NEB: variants seen among roughly 807,000 people sequenced by gnomAD.
NEB encodes the protein nemaline myopathy type 2.
In NEB, 512 loss-of-function variants were observed where a neutral mutation model predicts 952.2. The ratio of observed to expected loss-of-function variants is 0.54; its 90% CI spans 0.50 to 0.58. NEB has a LOEUF of 0.58. Ranked by LOEUF, NEB falls within the 20% of genes least tolerant of loss-of-function variation. The pLI is 0.00. For synonymous variants in NEB, 2,900 were observed against 3,149.8 expected (o/e 0.92, Z 2.66); for missense variants, 8,428 against 9,231.1 (o/e 0.91, Z 3.56).
At chr2:151,686,596 T>C (rs1328085677) in intron 27 of NEB, among the ~76,000 whole-genome samples, 1 of 152,110 alleles carries the variant, frequency 6.6e-6, no homozygotes, top group African/African-American at 2.4e-5. Context: ...AATGACAGAA[T>C]AGATGCAAAA....
At chr2:151,660,276 G>A (rs531169443) in intron 46 of NEB, among the ~76,000 whole-genome samples, 1 of 152,228 alleles carries the variant, frequency 6.6e-6, no homozygotes, top group South Asian at 2.1e-4. Flanking sequence ...CAAAGACTAG[G>A]ATCCCTAAAA....
At chr2:151,731,367 G>A (rs1051680296) in intron 3 of NEB, among the ~76,000 whole-genome samples, 31 of 152,188 alleles carry the variant, frequency 2.0e-4, no homozygotes, top group African/African-American at 7.5e-4. Flanking sequence ...AGAGTAGAGA[G>A]AACAGTAAAA....
At chr2:151,668,615 G>T (rs1346181128) in intron 39 of NEB, among the ~76,000 whole-genome samples, 1 of 152,098 alleles carries the variant, frequency 6.6e-6, no homozygotes. Context: ...CCACTCAAGA[G>T]AAAGGCTAGT....
chr2:151,518,446 G>T (rs764467558), intron 155 of NEB, 24 bp from the exon 156 acceptor site: 1 of 1,394,178 alleles, frequency 7.2e-7, no homozygotes. Context: ...GGCAAAAAAG[G>T]CACATTGATG....
intron 13 of NEB, among the ~76,000 whole-genome samples, chr2:151,701,676 A>G (rs1259724595): frequency 6.6e-6 from 1 of 151,120 alleles, no homozygotes; most frequent in Non-Finnish European, 1.5e-5. Context: ...GTATTCTTTG[A>G]TGGTAGTTTG....
intron 65 of NEB, among the ~76,000 whole-genome samples, chr2:151,633,409 C>T (rs2098705701): frequency 6.6e-6 from 1 of 152,046 alleles, no homozygotes; most frequent in South Asian, 2.1e-4. Flanking sequence ...CTCTAGTGGA[C>T]CCTGAATTCT....
chr2:151,631,356 G>C lies in NEB; in HGVS notation c.9415-10C>G, dbSNP rs1483729053. The C allele has an allele frequency of 6.2e-7, 1 of 1,602,058 alleles. No homozygotes were observed. Among genetic ancestry groups the C allele is most frequent in the Non-Finnish European group, 8.5e-7 (1 of 1,171,992 alleles). On this transcript the variant is annotated splice_polypyrimidine_tract_variant and intron_variant, in intron 65 of 181. Coordinates refer to ENST00000397345, the MANE Select transcript of NEB (RefSeq NM_001164508.2). ...CTGACTTGTAAATATTCTGAGCAGAGGAAAAAAGTCAAAAACTCTTCATCA... is the reference window on the plus strand; with the variant it reads ...CTGACTTGTAAATATTCTGAGCAGACGAAAAAAGTCAAAAACTCTTCATCA...
Position 151,685,415 on chromosome 2 carries a change from G to A in NEB, c.2638-440C>T, listed in dbSNP as rs538092955. ...CTTCATACACAGGGCTGTAGACTTA[G>A]TTTATTGGCTGTATAGAGTCATTTT... On this transcript the variant is annotated intron_variant, in intron 27 of 181. Coordinates refer to ENST00000397345, the MANE Select transcript of NEB (RefSeq NM_001164508.2). Among the ~76,000 whole-genome samples, 12 of 152,250 alleles carry A rather than the reference G, an allele frequency of 7.9e-5. No individual in the cohort carries two copies. The South Asian group carries it at 2.5e-3, about 32-fold the overall frequency.
Position 151,570,208 on chromosome 2 carries a change from A to C in NEB, c.17303T>G (p.Leu5768Arg). The change falls in exon 109 of 182, where the codon CTG becomes CGG. Residue 5768 changes from leucine to arginine, a missense_variant. Around this residue, in one of 11 missense-constraint regions of NEB, gnomAD observed 3,374 missense variants for 3,651.5 expected, o/e 0.92. Transcript: ENST00000397345. ...CAGAGCCTGGGAATTTTTAGAGTGC[A>C]GGATGGAAAGCATGTCCACAGGGCT... ...IQSPVDMLSI[L>R]HSKNSQALVS... 1 of 1,613,816 alleles carries C rather than the reference A, an allele frequency of 6.2e-7. No individual in the cohort carries two copies. Among genetic ancestry groups the C allele is most frequent in the Non-Finnish European group, 8.5e-7 (1 of 1,179,822 alleles).
intron 71 of NEB, among the ~76,000 whole-genome samples, chr2:151,624,675 AC>A (rs1205428030): frequency 1.3e-5 from 2 of 152,158 alleles, no homozygotes; most frequent in African/African-American, 4.8e-5. Flanking sequence ...AAAAATTAGT[AC>A]TTAAATTTTT....
Position 151,531,098 on chromosome 2 carries a change from G to A in NEB, c.21526C>T (p.Leu7176Phe). ...GCCTTGTTGTATTCCAATTTATAAA[G>A]GATCTGAAAGATCAAAAAGCAGAAA... is the stretch of plus-strand genomic sequence containing the variant. ...TKVNKQISDI[L>F]YKLEYNKAKP... Residue 7176 changes from leucine to phenylalanine, a missense_variant, in exon 145 of 182, where the codon CTT becomes TTT. Transcript: ENST00000397345. The A allele has an allele frequency of 6.3e-7, 1 of 1,595,490 alleles. No individual in the cohort carries two copies. The highest frequency in any genetic ancestry group is 8.6e-7 in the Non-Finnish European group (1 of 1,164,416).
At position 151,663,711 on chromosome 2, in the gene NEB, G is replaced by T. The variant is rs757299256; in HGVS notation, c.5600C>A (p.Thr1867Asn). ...EYKKGYEKSK[T>N]SFHTPVDMLS... ...CATGTCCACCGGGGTGTGGAAGGAG[G>T]TCTTGGATTTCTCATATCCCTTCTT... The change falls in exon 45 of 182, where the codon ACC (threonine) becomes AAC (asparagine). Residue 1867 changes from threonine to asparagine, a missense_variant. Transcript: ENST00000397345. 6.2e-7 allele frequency: 1 copy of T among 1,613,778 alleles called. No individual in the cohort carries two copies. The highest frequency in any genetic ancestry group is 1.3e-5 in the African/African-American group (1 of 75,020).
chr2:151,577,735 C>T (rs183567111), intron 105 of NEB, among the ~76,000 whole-genome samples: 94 of 152,152 alleles, frequency 6.2e-4, no homozygotes, highest in Non-Finnish European at 1.0e-3. Context: ...CATGCCACCA[C>T]GCCAGGCTAA....
chr2:151,567,177 T>C lies in NEB; in HGVS notation c.18147A>G (p.Leu6049=), dbSNP rs1326703300. ...AACAAAAATCACTTACATCACTCTG[T>C]AGGTCATAGGCCTTTCTTGCCTGAA... ...DVIQARKAYD[L]QSDNVYRADL... The change falls in exon 114 of 182, where the codon CTA becomes CTG. Residue 6049 remains leucine, a synonymous_variant. Coordinates refer to ENST00000397345, the MANE Select transcript of NEB (RefSeq NM_001164508.2). 2.5e-6 allele frequency: 4 copies of C among 1,600,486 alleles called. No individual in the cohort carries two copies. The highest frequency in any genetic ancestry group is 1.7e-5 in the Admixed American group (1 of 59,250).
intron 23 of NEB, 146 bp from the exon 24 acceptor site, chr2:151,690,971 GTCTCTCTC>G (rs141120434): frequency 1.0e-5 from 6 of 597,790 alleles, no homozygotes; most frequent in African/African-American, 1.9e-5. Flanking sequence ...TTCTCTGTCT[GTCTCTCTC>G]TCTCTCTCTC....
At chr2:151,705,002 T>C (rs890527486) in intron 13 of NEB, among the ~76,000 whole-genome samples, 1 of 152,194 alleles carries the variant, frequency 6.6e-6, no homozygotes, top group Non-Finnish European at 1.5e-5. Context: ...CACATACTCT[T>C]TCCTCACTGA....
At position 151,524,598 on chromosome 2, in the gene NEB, C is replaced by T; in HGVS notation, c.22291G>A (p.Ala7431Thr). The change falls in exon 152 of 182, where the codon GCC (alanine) becomes ACC (threonine). Residue 7431 changes from alanine to threonine, a missense_variant. By Grantham distance (58) the Ala-to-Thr change is moderately conservative. Coordinates refer to ENST00000397345, the MANE Select transcript of NEB (RefSeq NM_001164508.2). Reference protein sequence around the residue: ...KQSDVAYRKDAKENLHYTTVA... With the variant: ...KQSDVAYRKDTKENLHYTTVA... Reference sequence around the variant, plus strand: ...GTGGTGTAATGCAGGTTCTCTTTGGCATCTTTTCTGTAAGCGACCTTTATT... The same window carrying T: ...GTGGTGTAATGCAGGTTCTCTTTGGTATCTTTTCTGTAAGCGACCTTTATT... 1 of 1,551,436 alleles carries T rather than the reference C, an allele frequency of 6.4e-7. No individual in the cohort carries two copies. The highest frequency in any genetic ancestry group is 1.4e-5 in the African/African-American group (1 of 70,370).
At chr2:151,540,543 T>C in intron 137 of NEB, 95 bp from the exon 138 acceptor site, 5 of 1,126,276 alleles carry the variant, frequency 4.4e-6, no homozygotes, top group Non-Finnish European at 6.5e-6. Flanking sequence ...CACAATGTGT[T>C]ACACACTTTA....
chr2:151,726,643 T>C (rs2099791421), intron 5 of NEB, among the ~76,000 whole-genome samples: 1 of 152,120 alleles, frequency 6.6e-6, no homozygotes, highest in Non-Finnish European at 1.5e-5. Context: ...TACAGAACTG[T>C]GCATGGGAAT....
Sources: gnomAD v4.1 joint callset for allele counts (sites outside exome capture counted in the v4.1 genomes callset) on GRCh38, gnomAD v4.1.1 for gene constraint, gnomAD v4.1.1 regional missense constraint, MANE v1.5 for transcripts, NCBI Gene and HGNC (gene_info 2026-07-23, HGNC 2026-07-21) for gene names.